XPR1: variants seen among roughly 807,000 people sequenced by gnomAD.
XPR1 encodes the protein solute carrier family 53 member 1.
A neutral mutation model predicts 87.5 loss-of-function variants in XPR1; 28 were observed. The observed-to-expected ratio is 0.32, with a 90% CI of 0.24 to 0.44. The LOEUF is 0.44. Ranked by LOEUF, XPR1 falls within the 20% of genes least tolerant of loss-of-function variation. XPR1 has a pLI of 1.00. For synonymous variants in XPR1, 300 were observed against 306.1 expected (o/e 0.98, Z 0.21); for missense variants, 559 against 862.3 (o/e 0.65, Z 4.41).
chr1:180,843,487 G>A (rs1486635702), intron 11 of XPR1, among the ~76,000 whole-genome samples: 2 of 151,996 alleles, frequency 1.3e-5, no homozygotes, highest in Admixed American at 6.5e-5. Flanking sequence ...AAGAACTGAC[G>A]ATGCCGTAAA....
chr1:180,867,081 C>T (rs1414683064), intron 12 of XPR1, among the ~76,000 whole-genome samples: 1 of 82,710 alleles, frequency 1.2e-5, no homozygotes, highest in African/African-American at 5.1e-5. Context: ...TTTGTTCTTG[C>T]GATAGTTTAC....
chr1:180,831,190 A>G (rs1413445796), intron 9 of XPR1, among the ~76,000 whole-genome samples: 3 of 152,116 alleles, frequency 2.0e-5, no homozygotes, highest in South Asian at 2.1e-4. Flanking sequence ...GTAAGCAAAG[A>G]AGAGTTTTGT....
intron 3 of XPR1, among the ~76,000 whole-genome samples, chr1:180,799,801 G>A (rs1649715208): frequency 6.6e-6 from 1 of 152,162 alleles, no homozygotes; most frequent in Non-Finnish European, 1.5e-5. Flanking sequence ...GTAGCTGCAT[G>A]CCAGGGGCTA....
chr1:180,686,705 C>A lies in XPR1; in HGVS notation c.121+4294C>A, dbSNP rs556008317. 2.6e-5 allele frequency among the ~76,000 whole-genome samples: 4 copies of A among 152,116 alleles called. No individual in the cohort carries two copies. The South Asian group carries it at 8.3e-4, about 32-fold the overall frequency. ...TCTAAGTTGGATGTACAGAATAATA[C>A]CTTTATAAGACACCAAATTCTATGA... On this transcript the variant is annotated intron_variant, in intron 2 of 14. Coordinates refer to ENST00000367590, the MANE Select transcript of XPR1 (RefSeq NM_004736.4).
chr1:180,818,630 A>G (rs1446910917), intron 7 of XPR1, among the ~76,000 whole-genome samples: 2 of 152,220 alleles, frequency 1.3e-5, no homozygotes, highest in African/African-American at 4.8e-5. Context: ...AGCCATGGGA[A>G]GTTTGTGATG....
chr1:180,817,347 T>A (rs1049535665), intron 7 of XPR1, among the ~76,000 whole-genome samples: 1 of 152,174 alleles, frequency 6.6e-6, no homozygotes, highest in African/African-American at 2.4e-5. Flanking sequence ...ACAATGTGTA[T>A]AAAGTCCGCA....
intron 2 of XPR1, among the ~76,000 whole-genome samples, chr1:180,704,914 T>C (rs1490251983): frequency 6.7e-6 from 1 of 148,978 alleles, no homozygotes; most frequent in East Asian, 2.0e-4. Flanking sequence ...TCATTGCTAC[T>C]GGGTTATTCA....
intron 2 of XPR1, among the ~76,000 whole-genome samples, chr1:180,702,580 A>C (rs1433199697): frequency 6.6e-6 from 1 of 151,760 alleles, no homozygotes; most frequent in Non-Finnish European, 1.5e-5. Flanking sequence ...CTGTTGTTGA[A>C]GCTCTCGATT....
chr1:180,654,493 A>G (rs1350053251), intron 1 of XPR1, among the ~76,000 whole-genome samples: 4 of 151,996 alleles, frequency 2.6e-5, no homozygotes, highest in South Asian at 2.1e-4. Flanking sequence ...TTGTTGTGCA[A>G]CCGTCTCTAC....
chr1:180,734,278 A>G (rs1658656052), intron 2 of XPR1, among the ~76,000 whole-genome samples: 1 of 152,242 alleles, frequency 6.6e-6, no homozygotes, highest in East Asian at 1.9e-4. Context: ...GGCTTTAATC[A>G]GGTTCTGCAA....
intron 2 of XPR1, among the ~76,000 whole-genome samples, chr1:180,762,167 T>G (rs1018824410): frequency 2.6e-5 from 4 of 151,172 alleles, no homozygotes; most frequent in Non-Finnish European, 4.4e-5. Flanking sequence ...ATATACCTAA[T>G]GCTGAATGAT....
At chr1:180,780,004 TTATTC>T (rs1408331353) in intron 2 of XPR1, among the ~76,000 whole-genome samples, 1 of 152,244 alleles carries the variant, frequency 6.6e-6, no homozygotes, top group African/African-American at 2.4e-5. Flanking sequence ...GAACAGTACA[TTATTC>T]TTTTCTGTGG....
intron 11 of XPR1, among the ~76,000 whole-genome samples, chr1:180,847,029 T>G (rs971870859): frequency 2.0e-5 from 3 of 152,146 alleles, no homozygotes; most frequent in African/African-American, 7.2e-5. Flanking sequence ...ACATCTTTCT[T>G]TTAAAGGTAG....
At chr1:180,718,669 ATTTTTTTTTT>A (rs34441510) in intron 2 of XPR1, among the ~76,000 whole-genome samples, 2 of 134,832 alleles carry the variant, frequency 1.5e-5, no homozygotes, top group African/African-American at 5.6e-5. Context: ...GAGCATCTGT[ATTTTTTTTTT>A]TTTTTTTGAG....
chr1:180,845,427 G>A (rs1651644775), intron 11 of XPR1, among the ~76,000 whole-genome samples: 1 of 152,216 alleles, frequency 6.6e-6, no homozygotes, highest in African/African-American at 2.4e-5. Flanking sequence ...CTTACTTACA[G>A]TAACTGCATA....
intron 3 of XPR1, among the ~76,000 whole-genome samples, chr1:180,795,325 T>C (rs1173095588): frequency 1.3e-5 from 2 of 152,198 alleles, no homozygotes; most frequent in Non-Finnish European, 2.9e-5. Flanking sequence ...CTTTGAGGGA[T>C]ACATAGGTGC....
At chr1:180,747,119 C>A (rs1213088464) in intron 2 of XPR1, among the ~76,000 whole-genome samples, 1 of 152,142 alleles carries the variant, frequency 6.6e-6, no homozygotes, top group Non-Finnish European at 1.5e-5. Context: ...CTCTTAACAT[C>A]TACTTTTTCA....
intron 2 of XPR1, among the ~76,000 whole-genome samples, chr1:180,783,897 C>CA (rs775865450): frequency 1.3e-5 from 2 of 151,748 alleles, no homozygotes; most frequent in Non-Finnish European, 2.9e-5. Context: ...TCTACTAAAA[C>CA]TGCAAAAATT....
intron 14 of XPR1, 27 bp downstream of exon 14, chr1:180,880,324 G>T: frequency 1.9e-6 from 3 of 1,612,136 alleles, no homozygotes; most frequent in Non-Finnish European, 2.5e-6. Flanking sequence ...CTTCTGTGAG[G>T]CATATTTCCT....
Sources: gnomAD v4.1 joint callset for allele counts (sites outside exome capture counted in the v4.1 genomes callset) on GRCh38, gnomAD v4.1.1 for gene constraint, MANE v1.5 for transcripts, NCBI Gene and HGNC (gene_info 2026-07-23, HGNC 2026-07-21) for gene names.